Variants in FAM161A observed in about 807,000 individuals in gnomAD.
FAM161A encodes protein FAM161A.
A neutral mutation model predicts 70.9 loss-of-function variants in FAM161A; 57 were observed. That is an observed-to-expected ratio of 0.80 (90% CI 0.65 to 1.00). The LOEUF (loss-of-function observed/expected upper bound fraction) is 1.00, where lower values mean the gene tolerates loss of function less well. Among genes scored for constraint, FAM161A ranks in the 50% least tolerant of loss-of-function variants. The pLI is 0.00. For synonymous variants in FAM161A, 299 were observed against 295.7 expected, an observed-to-expected ratio of 1.01 and a Z score of -0.12; for missense variants, 880 against 836.0, an observed-to-expected ratio of 1.05 and a Z score of -0.65.
the FAM161A span, among the ~76,000 whole-genome samples, chr2:61,805,194 CT>C: frequency 1.3e-5 from 2 of 152,234 alleles, no homozygotes; most frequent in Non-Finnish European, 2.9e-5. Context: ...GATGTCCCGC[CT>C]TTTTAGGTCA....
At position 61,825,801 on chromosome 2, in the gene FAM161A, C is replaced by A. The variant is rs1355593174; in HGVS notation, c.*654G>T. 9.5e-6 allele frequency: 4 copies of A among 420,930 alleles called. No homozygotes were observed. Among genetic ancestry groups the A allele is most frequent in the Non-Finnish European group, 1.4e-5 (3 of 213,154 alleles). 26.1% of individuals were successfully genotyped at this position (420,930 alleles called of 1,614,324 possible). A position where few individuals can be genotyped will look rare whatever the true frequency, so the allele number is the denominator to read the frequency against. ...TACAGGCGCCCACCACCACGCCTGG[C>A]TAATTTTTTGTATTTTTAGTAGAGA... On this transcript the variant is annotated 3_prime_UTR_variant, in exon 7 of 7. Transcript: ENST00000404929.
chr2:61,847,751 AAC>A (rs1308986659), intron 1 of FAM161A, among the ~76,000 whole-genome samples: 1 of 152,158 alleles, frequency 6.6e-6, no homozygotes, highest in Non-Finnish European at 1.5e-5. Flanking sequence ...CAGCCTGGGT[AAC>A]AGTGTGACCC....
chr2:61,817,828 C>A, the FAM161A span, among the ~76,000 whole-genome samples: 1 of 152,072 alleles, frequency 6.6e-6, no homozygotes, highest in African/African-American at 2.4e-5. Context: ...TTAGCAGGTG[C>A]GGTGGCTTGC....
the FAM161A span, among the ~76,000 whole-genome samples, chr2:61,811,346 C>T: frequency 5.9e-5 from 9 of 151,910 alleles, no homozygotes; most frequent in Middle Eastern, 3.4e-3. Flanking sequence ...TACAGGTATG[C>T]GCCGCCGCAC....
chr2:61,850,537 G>C (rs939335896), intron 1 of FAM161A, among the ~76,000 whole-genome samples: 2 of 152,114 alleles, frequency 1.3e-5, no homozygotes, highest in African/African-American at 4.8e-5. Context: ...TGGATCACTT[G>C]AGCCCAGGAG....
chr2:61,853,032 C>A (rs891599756), intron 1 of FAM161A, among the ~76,000 whole-genome samples: 2 of 146,664 alleles, frequency 1.4e-5, no homozygotes, highest in African/African-American at 5.1e-5. Context: ...CTGCCTCAGC[C>A]TTCCGAGTAA....
the FAM161A span, chr2:61,803,375 A>G: frequency 1.4e-6 from 1 of 698,086 alleles, no homozygotes; most frequent in Non-Finnish European, 2.7e-6. Flanking sequence ...GAGAAGAAAA[A>G]GACCTCAAGA....
At chr2:61,820,227 C>T (rs1267875964), downstream of FAM161A, 3 of 601,462 alleles carry the variant, frequency 5.0e-6, no homozygotes, top group Middle Eastern at 4.5e-4. Context: ...CCTAAACAGC[C>T]AAGCAGCTGT....
At chr2:61,851,169 C>T (rs1260857663) in intron 1 of FAM161A, among the ~76,000 whole-genome samples, 3 of 151,980 alleles carry the variant, frequency 2.0e-5, no homozygotes, top group Non-Finnish European at 4.4e-5. Flanking sequence ...CCACCGCGCC[C>T]GGCCCTGTTC....
the FAM161A span, among the ~76,000 whole-genome samples, chr2:61,806,784 C>T: frequency 1.4e-4 from 21 of 149,796 alleles, 1 homozygote; most frequent in African/African-American, 5.2e-4. Context: ...GCTCCGCCTC[C>T]GGGGTTCACA....
intron 1 of FAM161A, among the ~76,000 whole-genome samples, chr2:61,849,559 C>T (rs542118733): frequency 5.9e-5 from 9 of 151,798 alleles, no homozygotes; most frequent in Non-Finnish European, 1.2e-4. Context: ...TCAAGGCTGG[C>T]GAATCACTTG....
rs542106930 is a variant in FAM161A, at chr2:61,851,813, G to C, written c.183+2046C>G. ...GGATGGTGCAGGGGTTGGGGGGTTGGGGGGCAGTGTGGGGTGGGATGAGTG... is the reference window on the plus strand; with the variant it reads ...GGATGGTGCAGGGGTTGGGGGGTTGCGGGGCAGTGTGGGGTGGGATGAGTG... On this transcript the variant is annotated intron_variant, in intron 1 of 6. Coordinates refer to ENST00000404929, the MANE Select transcript of FAM161A (RefSeq NM_001201543.2). Among the ~76,000 whole-genome samples, 535 of 151,658 alleles carry C rather than the reference G, an allele frequency of 3.5e-3. 1 individual carries two copies. The highest frequency in any genetic ancestry group is 6.6e-3 in the Non-Finnish European group (448 of 67,842).
intron 5 of FAM161A, among the ~76,000 whole-genome samples, chr2:61,834,252 C>T (rs763226216): frequency 2.2e-4 from 33 of 152,080 alleles, no homozygotes; most frequent in Non-Finnish European, 4.0e-4. Context: ...AAAGCAGAAA[C>T]GGAAAACCAA....
intron 5 of FAM161A, among the ~76,000 whole-genome samples, chr2:61,832,827 C>T (rs1672633329): frequency 6.6e-6 from 1 of 152,182 alleles, no homozygotes; most frequent in African/African-American, 2.4e-5. Flanking sequence ...ATCCACCCCA[C>T]CCCACGCAAC....
At chr2:61,853,385 C>A (rs553321727) in intron 1 of FAM161A, among the ~76,000 whole-genome samples, 2 of 152,236 alleles carry the variant, frequency 1.3e-5, no homozygotes, top group East Asian at 3.9e-4. Flanking sequence ...TATCTGTATC[C>A]GTGTCTGATT....
At position 61,824,931 on chromosome 2, in the gene FAM161A, G is replaced by A. The variant is rs902879244; in HGVS notation, c.*1524C>T. 3 of 452,180 alleles carry A rather than the reference G, an allele frequency of 6.6e-6. No individual in the cohort carries two copies. The Admixed American group carries it at 7.1e-5, about 11-fold the overall frequency. 28.0% of individuals were successfully genotyped at this position (452,180 alleles called of 1,614,324 possible). Reference sequence around the variant, plus strand: ...CCAAATATTAAGGGAATACAAAGATGAATTTTTAAATGGTGCCAAATCCCA... The same window carrying A: ...CCAAATATTAAGGGAATACAAAGATAAATTTTTAAATGGTGCCAAATCCCA... On this transcript the variant is annotated 3_prime_UTR_variant, in exon 7 of 7. Transcript: ENST00000404929.
In FAM161A at chr2:61,825,392, T is replaced by C. The variant is rs1459541738; in HGVS notation, c.*1063A>G. On this transcript the variant is annotated 3_prime_UTR_variant, in exon 7 of 7. Coordinates refer to ENST00000404929, the MANE Select transcript of FAM161A (RefSeq NM_001201543.2). ...CAAGTTATTATGCACAATTTCATCA[T>C]ATAAAAAAAGGGATACTTGCCCCTA... is the stretch of plus-strand genomic sequence containing the variant. 4.4e-6 allele frequency: 2 copies of C among 454,138 alleles called. No homozygotes were observed. The highest frequency in any genetic ancestry group is 8.8e-6 in the Non-Finnish European group (2 of 226,762). The allele number at this position is 454,138 out of a possible 1,614,324, so 28.1% of individuals were successfully genotyped here.
intron 5 of FAM161A, among the ~76,000 whole-genome samples, chr2:61,830,291 T>C (rs187216989): frequency 3.3e-5 from 5 of 152,056 alleles, no homozygotes; most frequent in Admixed American, 3.3e-4. Flanking sequence ...CCAAGGATGG[T>C]GAAGGGCAGA....
downstream of FAM161A, among the ~76,000 whole-genome samples, chr2:61,822,860 G>T (rs1393974763): frequency 6.6e-6 from 1 of 152,068 alleles, no homozygotes; most frequent in Non-Finnish European, 1.5e-5. Context: ...AAAGTGCTGG[G>T]ATTACAGGCA....
Sources: gnomAD v4.1 joint callset for allele counts (sites outside exome capture counted in the v4.1 genomes callset) on GRCh38, gnomAD v4.1.1 for gene constraint, MANE v1.5 for transcripts, NCBI Gene and HGNC (gene_info 2026-07-23, HGNC 2026-07-21) for gene names.